The following RARB variants were observed in gnomAD, a reference collection of about 807,000 sequenced individuals.
RARB encodes retinoic acid receptor beta.
RARB carries 17 observed loss-of-function variants against 51.9 expected under a neutral mutation model. That is an observed-to-expected ratio of 0.33 (90% CI 0.22 to 0.49). The LOEUF is 0.49. Among genes scored for constraint, RARB ranks in the 20% least tolerant of loss-of-function variants. RARB has a pLI of 0.99. For synonymous variants in RARB, 215 were observed against 195.4 expected (o/e 1.10, Z -0.84); for missense variants, 369 against 550.8 (o/e 0.67, Z 3.30).
Position 24,837,453 on chromosome 3 carries a change from C to T in RARB, c.-459+8050C>T, listed in dbSNP as rs1000007369. Among the ~76,000 whole-genome samples the T allele has an allele frequency of 1.9e-4, 29 of 152,176 alleles. 1 individual carries two copies. The highest frequency in any genetic ancestry group is 1.3e-3 in the Admixed American group (20 of 15,280). ...TTTGAGAACTGTATTAAATGTTTCA[C>T]TGTTACAATGACAATTGTGGTTTTC... On this transcript the variant is annotated intron_variant, in intron 1 of 11. Coordinates refer to the RARB transcript ENST00000383772.
chr3:25,128,869 G>C (rs1439269365), intron 3 of RARB, among the ~76,000 whole-genome samples: 1 of 152,066 alleles, frequency 6.6e-6, no homozygotes, highest in Non-Finnish European at 1.5e-5. Context: ...AACTCAATGA[G>C]TGAATCAATA....
chr3:24,852,012 T>C (rs1702566301), intron 1 of RARB, among the ~76,000 whole-genome samples: 1 of 152,252 alleles, frequency 6.6e-6, no homozygotes, highest in South Asian at 2.1e-4. Flanking sequence ...TAAATAACTC[T>C]TGCATTTACG....
intron 3 of RARB, among the ~76,000 whole-genome samples, chr3:25,081,617 ATATATTTTTTTTTTTTTT>A: frequency 9.9e-5 from 1 of 10,054 alleles, no homozygotes; most frequent in South Asian, 2.6e-3. Flanking sequence ...ATATATATAT[ATATATTTTTTTTTTTTTT>A]TTTTTTTTTT....
intron 5 of RARB, among the ~76,000 whole-genome samples, chr3:25,348,451 C>A (rs1251506756): frequency 7.4e-6 from 1 of 134,970 alleles, no homozygotes; most frequent in Non-Finnish European, 1.6e-5. Flanking sequence ...GGCTTGTTGG[C>A]TTCTTTGCAG....
intron 5 of RARB, among the ~76,000 whole-genome samples, chr3:25,283,511 T>C (rs925173588): frequency 6.6e-6 from 1 of 152,196 alleles, no homozygotes; most frequent in African/African-American, 2.4e-5. Context: ...GGCCACGTAA[T>C]TGCTGAAATT....
At chr3:24,912,411 C>T (rs1294805843) in intron 2 of RARB, among the ~76,000 whole-genome samples, 3 of 139,994 alleles carry the variant, frequency 2.1e-5, no homozygotes, top group African/African-American at 8.7e-5. Flanking sequence ...ATGTCTGGTA[C>T]ACAGTAAAAT....
At chr3:25,227,574 T>C (rs1702084724) in intron 5 of RARB, among the ~76,000 whole-genome samples, 1 of 152,158 alleles carries the variant, frequency 6.6e-6, no homozygotes, top group Non-Finnish European at 1.5e-5. Context: ...CTGTGGAAGA[T>C]GAAGAAAGTA....
At chr3:24,846,669 G>A (rs1417659865) in intron 1 of RARB, among the ~76,000 whole-genome samples, 2 of 152,184 alleles carry the variant, frequency 1.3e-5, no homozygotes, top group East Asian at 3.9e-4. Context: ...GATGTCCCTA[G>A]TCTGAGAGTG....
upstream of RARB, among the ~76,000 whole-genome samples, chr3:25,423,289 T>C (rs887917840): frequency 3.3e-5 from 5 of 152,190 alleles, no homozygotes; most frequent in Admixed American, 6.5e-5. Context: ...AACCTAATAG[T>C]ACTAAAAAAG....
At chr3:25,367,893 G>A (rs1268818449) in intron 5 of RARB, among the ~76,000 whole-genome samples, 1 of 152,018 alleles carries the variant, frequency 6.6e-6, no homozygotes, top group East Asian at 1.9e-4. Context: ...AATCAAGGGG[G>A]AGTATCGAAG....
At chr3:25,133,806 A>C (rs73049954) in intron 4 of RARB, among the ~76,000 whole-genome samples, 13,271 of 146,130 alleles carry the variant, frequency 0.091, 742 homozygotes, top group Non-Finnish European at 0.13. Context: ...TGATGAAAAC[A>C]AAAAGTATGT....
intron 5 of RARB, among the ~76,000 whole-genome samples, chr3:25,345,009 T>A (rs900346786): frequency 6.6e-6 from 1 of 152,216 alleles, no homozygotes; most frequent in African/African-American, 2.4e-5. Flanking sequence ...TTATGCTTGT[T>A]TTTTTGGTTT....
chr3:25,110,144 A>C (rs1399931617), intron 3 of RARB, among the ~76,000 whole-genome samples: 1 of 152,220 alleles, frequency 6.6e-6, no homozygotes. Flanking sequence ...TCCTCCAAAA[A>C]AATCCCTACA....
At chr3:25,169,249 GA>G (rs1700605250) in intron 4 of RARB, among the ~76,000 whole-genome samples, 1 of 152,126 alleles carries the variant, frequency 6.6e-6, no homozygotes, top group Admixed American at 6.5e-5. Flanking sequence ...TGAGTTTCAG[GA>G]AATGGGGATT....
At chr3:25,430,305 A>C (rs1708150684) in intron 1 of RARB, among the ~76,000 whole-genome samples, 1 of 152,214 alleles carries the variant, frequency 6.6e-6, no homozygotes, top group Admixed American at 6.5e-5. Context: ...AGTGTTACAA[A>C]ATAATTTTCT....
chr3:25,420,990 C>CA (rs376170107), intron 5 of RARB, among the ~76,000 whole-genome samples: 6,754 of 62,072 alleles, frequency 0.11, 414 homozygotes, highest in African/African-American at 0.17. Context: ...ACCACTTATG[C>CA]CAAAAAAAAA....
chr3:25,552,131 G>A (rs1443476554), intron 3 of RARB, among the ~76,000 whole-genome samples: 1 of 152,046 alleles, frequency 6.6e-6, no homozygotes, highest in Non-Finnish European at 1.5e-5. Context: ...GGGCCCCTCT[G>A]TAGTCAAGGT....
At chr3:25,434,820 G>A (rs1412919890) in intron 1 of RARB, among the ~76,000 whole-genome samples, 8 of 151,872 alleles carry the variant, frequency 5.3e-5, no homozygotes, top group South Asian at 2.1e-4. Flanking sequence ...GATTACAGGC[G>A]TGAGCCACCG....
intron 2 of RARB, among the ~76,000 whole-genome samples, chr3:25,021,886 G>A (rs1460423460): frequency 6.6e-6 from 1 of 151,996 alleles, no homozygotes; most frequent in Non-Finnish European, 1.5e-5. Flanking sequence ...GAATTACTGA[G>A]GCAGATTGTA....
Sources: gnomAD v4.1 joint callset for allele counts (sites outside exome capture counted in the v4.1 genomes callset) on GRCh38, gnomAD v4.1.1 for gene constraint, MANE v1.5 for transcripts, NCBI Gene and HGNC (gene_info 2026-07-23, HGNC 2026-07-21) for gene names.